The following SALL2 variants were observed in gnomAD, a reference collection of about 807,000 sequenced individuals.
SALL2 encodes the protein spalt like transcription factor 2.
In SALL2, 32 loss-of-function variants were observed where a neutral mutation model predicts 58.5. That is an observed-to-expected ratio of 0.55 (90% CI 0.41 to 0.74). The LOEUF is 0.74. Among genes scored for constraint, SALL2 ranks in the 30% least tolerant of loss-of-function variants. The probability of loss-of-function intolerance (pLI) is 0.00; values close to 1 mark genes in which losing one functional copy is unlikely to be tolerated. For synonymous variants in SALL2, 516 were observed against 513.6 expected (o/e 1.00, Z -0.06); for missense variants, 1,201 against 1,268.9 (o/e 0.95, Z 0.81).
Position 21,523,403 on chromosome 14 carries a change from TTCCTCTTCTTCCTCATCC to T in SALL2, c.2301_2318del (p.Glu769_Asp774del). The T allele has an allele frequency of 6.2e-7, 1 of 1,613,646 alleles. No individual in the cohort carries two copies. The highest frequency in any genetic ancestry group is 8.5e-7 in the Non-Finnish European group (1 of 1,179,970). On this transcript the variant is annotated inframe_deletion, in exon 2 of 2. Transcript: ENST00000537235. This position sits in a 1 kb window ranked among gnomAD's most constrained non-coding sequence, Gnocchi z 4.4. ...CCAGGGAATCTTCATCAGTCACATC[TTCCTCTTCTTCCTCATCC>T]TCCTCTTCCTCCTCCTCAGACAACT...
At chr14:21,526,523 T>G, upstream of SALL2, 6 of 1,136,554 alleles carry the variant, frequency 5.3e-6, no homozygotes, top group South Asian at 2.2e-5. Flanking sequence ...GGGTCCACCT[T>G]TCCCGGTCCC....
rs767843434 is a variant in SALL2, at chr14:21,522,670, T to C, written c.*34A>G. 2 of 1,509,826 alleles carry C rather than the reference T, an allele frequency of 1.3e-6. No individual in the cohort carries two copies. The highest frequency in any genetic ancestry group is 8.8e-7 in the Non-Finnish European group (1 of 1,130,506). 93.5% of individuals were successfully genotyped at this position (1,509,826 alleles called of 1,614,324 possible). On this transcript the variant is annotated 3_prime_UTR_variant, in exon 2 of 2. Transcript: ENST00000537235. Reference sequence around the variant, plus strand: ...CTTTTGTGAAGCTGTTTCTGCTCTGTGGGACAAAGAGCAGCAGGTACAGAA... The same window carrying C: ...CTTTTGTGAAGCTGTTTCTGCTCTGCGGGACAAAGAGCAGCAGGTACAGAA...
chr14:21,524,106 T>G lies in SALL2; in HGVS notation c.1616A>C (p.Glu539Ala). Residue 539 changes from glutamate to alanine, a missense_variant, in exon 2 of 2, where the codon GAA (glutamate) becomes GCA (alanine). This residue lies in a region of SALL2 where 675 missense variants were observed against 683.8 expected (regional missense o/e 0.99). Coordinates refer to ENST00000537235, the MANE Select transcript of SALL2 (RefSeq NM_001364564.1). ...SEGSAISGVAESSTATRMQLS... is the reference protein window; with the variant it reads ...SEGSAISGVAASSTATRMQLS... ...TTGCATGCGAGTTGCCGTGCTACTT[T>G]CTGCCACTCCACTGATGGCTGAGCC... is the stretch of plus-strand genomic sequence containing the variant. 1 of 1,613,930 alleles carries G rather than the reference T, an allele frequency of 6.2e-7. No individual in the cohort carries two copies. Among genetic ancestry groups the G allele is most frequent in the Non-Finnish European group, 8.5e-7 (1 of 1,179,872 alleles).
intron 1 of SALL2, among the ~76,000 whole-genome samples, chr14:21,532,135 T>G (rs1021614784): frequency 2.6e-5 from 4 of 152,156 alleles, no homozygotes; most frequent in Admixed American, 6.5e-5. Flanking sequence ...CAGACAAATT[T>G]GACTTTAATT....
Position 21,522,423 on chromosome 14 carries a change from T to G in SALL2, c.*281A>C. 1 of 1,412,968 alleles carries G rather than the reference T, an allele frequency of 7.1e-7. No individual in the cohort carries two copies. Among genetic ancestry groups the G allele is most frequent in the Non-Finnish European group, 9.2e-7 (1 of 1,086,864 alleles). The allele number at this position is 1,412,968 out of a possible 1,614,324, so 87.5% of individuals were successfully genotyped here. A position where few individuals can be genotyped will look rare whatever the true frequency, so the allele number is the denominator to read the frequency against. On this transcript the variant is annotated 3_prime_UTR_variant, in exon 2 of 2. Transcript: ENST00000537235. ...GAGGAGAGAGGAGGGGGAAGAAGGG[T>G]CACACCAGGGAAGCTGGAGAGGGTT... is the stretch of plus-strand genomic sequence containing the variant.
upstream of SALL2, chr14:21,526,433 T>G: frequency 3.1e-6 from 4 of 1,280,106 alleles, no homozygotes; most frequent in South Asian, 2.0e-5. Flanking sequence ...AAGGGAGCGC[T>G]AGCGGGGGCG....
At chr14:21,530,115 T>C (rs1003580631), upstream of SALL2, among the ~76,000 whole-genome samples, 1 of 152,142 alleles carries the variant, frequency 6.6e-6, no homozygotes, top group Non-Finnish European at 1.5e-5. Context: ...TTAACTTCCT[T>C]GTATCCTTTC....
chr14:21,526,337 G>A lies in SALL2; in HGVS notation c.-210C>T. 1.4e-6 allele frequency: 2 copies of A among 1,430,204 alleles called. No individual in the cohort carries two copies. The highest frequency in any genetic ancestry group is 1.8e-6 in the Non-Finnish European group (2 of 1,096,798). 88.6% of individuals were successfully genotyped at this position (1,430,204 alleles called of 1,614,324 possible). A position where few individuals can be genotyped will look rare whatever the true frequency, so the allele number is the denominator to read the frequency against. On this transcript the variant is annotated 5_prime_UTR_variant, in exon 1 of 2. Transcript: ENST00000537235. ...AAGCTGGAGTGAGAAAGCGGGGAGAGGGGAGATCTGGGAGGAGCTGATGAG... is the reference window on the plus strand; with the variant it reads ...AAGCTGGAGTGAGAAAGCGGGGAGAAGGGAGATCTGGGAGGAGCTGATGAG...
At chr14:21,528,933 T>A (rs1055937376), upstream of SALL2, among the ~76,000 whole-genome samples, 1 of 152,210 alleles carries the variant, frequency 6.6e-6, no homozygotes, top group Non-Finnish European at 1.5e-5. Flanking sequence ...TGTCAAGTCT[T>A]CTGACAAGAA....
Position 21,522,113 on chromosome 14 carries a change from A to AG in SALL2, c.*590dup. ...TGGCTTCCCTGGATCCCATTGTTGGAGGCACCTTCCCAGCCACAGTTCCTA... is the reference window on the plus strand; with the variant it reads ...TGGCTTCCCTGGATCCCATTGTTGGAGGGCACCTTCCCAGCCACAGTTCCTA... On this transcript the variant is annotated 3_prime_UTR_variant, in exon 2 of 2. Coordinates refer to ENST00000537235, the MANE Select transcript of SALL2 (RefSeq NM_001364564.1). The AG allele has an allele frequency of 6.3e-7, 1 of 1,597,834 alleles. No homozygotes were observed. Among genetic ancestry groups the AG allele is most frequent in the Non-Finnish European group, 8.5e-7 (1 of 1,179,650 alleles).
upstream of SALL2, among the ~76,000 whole-genome samples, chr14:21,527,155 G>A (rs1892342897): frequency 6.6e-6 from 1 of 152,102 alleles, no homozygotes; most frequent in African/African-American, 2.4e-5. Flanking sequence ...TTGGGGAGAC[G>A]CTAGCCTGCA....
rs1356412391 is a variant in SALL2, at chr14:21,522,048, G to T, written c.*656C>A. 6.3e-7 allele frequency: 1 copy of T among 1,596,634 alleles called. No individual in the cohort carries two copies. Among genetic ancestry groups the T allele is most frequent in the Non-Finnish European group, 8.5e-7 (1 of 1,179,098 alleles). On this transcript the variant is annotated 3_prime_UTR_variant, in exon 2 of 2. Coordinates refer to ENST00000537235, the MANE Select transcript of SALL2 (RefSeq NM_001364564.1). Reference sequence around the variant, plus strand: ...GATGGGCTTCTCAGGCACTGCCTTGGGTGCAGGAGGCTGAAATAGGAGGGG... The same window carrying T: ...GATGGGCTTCTCAGGCACTGCCTTGTGTGCAGGAGGCTGAAATAGGAGGGG...
chr14:21,522,154 G>A lies in SALL2; in HGVS notation c.*550C>T, dbSNP rs1234379402. ...ACAGTTCCTAGGCCAAACAGCACTG[G>A]TGGGGCCAGGCTTGGAGTGGTAGTG... On this transcript the variant is annotated 3_prime_UTR_variant, in exon 2 of 2. Transcript: ENST00000537235. 2 of 1,597,914 alleles carry A rather than the reference G, an allele frequency of 1.3e-6. No individual in the cohort carries two copies. The highest frequency in any genetic ancestry group is 2.7e-5 in the African/African-American group (2 of 74,906).
At chr14:21,535,195 A>T (rs915596629) in intron 1 of SALL2, among the ~76,000 whole-genome samples, 4 of 152,028 alleles carry the variant, frequency 2.6e-5, no homozygotes, top group Admixed American at 6.6e-5. Context: ...AATACAAAAA[A>T]TTAGCCCGGC....
intron 1 of SALL2, among the ~76,000 whole-genome samples, chr14:21,535,344 CAAAAAAAAAAAAAG>C (rs1892569833): frequency 2.1e-5 from 2 of 94,966 alleles, no homozygotes; most frequent in Admixed American, 1.1e-4. Flanking sequence ...GACTCTCTCT[CAAAAAAAAAAAAAG>C]AAAAAAAGAA....
chr14:21,522,961 G>A lies in SALL2; in HGVS notation c.2761C>T (p.Gln921Ter), dbSNP rs935161796. Residue 921 changes from glutamine to a stop codon, truncating the protein, a stop_gained, in exon 2 of 2, where the codon CAG becomes TAG. Transcript: ENST00000537235. LOFTEE classifies it high-confidence loss of function. ...CEVCGQAFPSQAALEEHQKTH... is the reference protein window; with the variant it reads ...CEVCGQAFPS ...TTCTGATGCTCCTCCAGAGCTGCCT[G>A]GGAGGGAAAGGCCTGGCCACACACT... 3.1e-6 allele frequency: 5 copies of A among 1,613,988 alleles called. No individual in the cohort carries two copies. The highest frequency in any genetic ancestry group is 4.2e-6 in the Non-Finnish European group (5 of 1,180,012).
chr14:21,535,833 T>G (rs1450267287), intron 1 of SALL2, among the ~76,000 whole-genome samples: 1 of 152,200 alleles, frequency 6.6e-6, no homozygotes, highest in African/African-American at 2.4e-5. Flanking sequence ...CACTGACAAG[T>G]ATGTCCAAAA....
intron 1 of SALL2, among the ~76,000 whole-genome samples, chr14:21,536,062 T>C (rs552946653): frequency 1.2e-4 from 19 of 152,342 alleles, no homozygotes; most frequent in African/African-American, 3.8e-4. Flanking sequence ...AATTCCCTGC[T>C]TGCTCTACTG....
In SALL2 at chr14:21,525,365, A is replaced by C. The variant is rs1279708018; in HGVS notation, c.357T>G (p.Ser119=). The C allele has an allele frequency of 3.1e-6, 5 of 1,614,026 alleles. No individual in the cohort carries two copies. The South Asian group carries it at 5.5e-5, about 18-fold the overall frequency. ...TGGCAGCGACCAGGAAATGCCCTGA[A>C]GACTCCTCTCCTCTCCTCTCTGGGC... ...TWGPERRGEE[S]SGHFLVAATG... Residue 119 remains serine, a synonymous_variant, in exon 2 of 2, where the codon TCT becomes TCG. Transcript: ENST00000537235. The surrounding 1 kb of genome is among the most constrained non-coding windows in gnomAD (Gnocchi z 4.4).
Sources: allele counts gnomAD v4.1 joint callset (sites outside exome capture counted in the v4.1 genomes callset), GRCh38; gene constraint gnomAD v4.1.1; regional missense constraint gnomAD v4.1.1; non-coding constraint Gnocchi (gnomAD v3.1); transcripts MANE v1.5; gene names NCBI Gene and HGNC (gene_info 2026-07-23, HGNC 2026-07-21).